The following MYO3A variants were observed in gnomAD, a reference collection of about 807,000 sequenced individuals.
The protein encoded by MYO3A is myosin-IIIa.
In MYO3A, 180 loss-of-function variants were observed where a neutral mutation model predicts 192.7. That is an observed-to-expected ratio of 0.93 (90% CI 0.83 to 1.06). The LOEUF is 1.06. Among genes scored for constraint, MYO3A ranks in the 50% least tolerant of loss-of-function variants. MYO3A has a pLI of 0.00. For missense variants in MYO3A, 1,896 were observed against 1,905.0 expected (o/e 1.00, Z 0.09); for synonymous variants, 628 against 645.3 (o/e 0.97, Z 0.41).
At chr10:26,204,948 A>G (rs1332728948) in intron 34 of MYO3A, among the ~76,000 whole-genome samples, 1 of 152,254 alleles carries the variant, frequency 6.6e-6, no homozygotes, top group African/African-American at 2.4e-5. Context: ...AAAACCAAAC[A>G]GCGAAATAGT....
At chr10:26,124,864 G>A (rs1839114779) in intron 18 of MYO3A, among the ~76,000 whole-genome samples, 1 of 152,170 alleles carries the variant, frequency 6.6e-6, no homozygotes, top group South Asian at 2.1e-4. Context: ...AAAGTAGGAT[G>A]ATATGTACAT....
intron 31 of MYO3A, among the ~76,000 whole-genome samples, chr10:26,188,471 G>T (rs901946289): frequency 2.8e-4 from 43 of 152,082 alleles, no homozygotes; most frequent in African/African-American, 7.7e-4. Context: ...TAGTTTCTTT[G>T]GCTGTGCAGA....
intron 14 of MYO3A, among the ~76,000 whole-genome samples, chr10:26,087,532 G>T (rs1258263069): frequency 6.6e-6 from 1 of 152,178 alleles, no homozygotes; most frequent in East Asian, 1.9e-4. Context: ...GCAGAGGTTG[G>T]AATGCCTTTG....
intron 4 of MYO3A, among the ~76,000 whole-genome samples, chr10:25,992,241 G>C (rs1405521038): frequency 6.6e-6 from 1 of 152,182 alleles, no homozygotes; most frequent in Non-Finnish European, 1.5e-5. Context: ...TCCCTTGTAA[G>C]TTGGATTCCT....
At chr10:26,082,756 T>TCTC (rs1836046822) in intron 14 of MYO3A, among the ~76,000 whole-genome samples, 1 of 149,468 alleles carries the variant, frequency 6.7e-6, no homozygotes, top group African/African-American at 2.5e-5. Flanking sequence ...CTCTCTCTTT[T>TCTC]TCTCTCTCTC....
At chr10:26,162,687 C>G (rs1429171424) in intron 26 of MYO3A, among the ~76,000 whole-genome samples, 1 of 152,216 alleles carries the variant, frequency 6.6e-6, no homozygotes, top group African/African-American at 2.4e-5. Flanking sequence ...GGCTTTCTCA[C>G]TTAGATTTCA....
intron 2 of MYO3A, among the ~76,000 whole-genome samples, chr10:25,942,110 C>T (rs1836535910): frequency 6.6e-6 from 1 of 151,404 alleles, no homozygotes; most frequent in South Asian, 2.1e-4. Context: ...CAAGTGATGC[C>T]TCTGCCTCAG....
At chr10:26,075,750 GAT>G (rs1238427717) in intron 14 of MYO3A, among the ~76,000 whole-genome samples, 81 of 136,182 alleles carry the variant, frequency 5.9e-4, no homozygotes, top group African/African-American at 2.0e-3. Flanking sequence ...TCATATATAT[GAT>G]ATATATATGT....
Position 26,137,362 on chromosome 10 carries a change from A to G in MYO3A, c.2263-6086A>G, listed in dbSNP as rs1305740455. Among the ~76,000 whole-genome samples, 8 of 152,238 alleles carry G rather than the reference A, an allele frequency of 5.3e-5. No homozygotes were observed. The South Asian group carries it at 1.0e-3, about 20-fold the overall frequency. On this transcript the variant is annotated intron_variant, in intron 20 of 34. Transcript: ENST00000642920. Reference sequence around the variant, plus strand: ...GAGGAACATAAATTGTGAAGATTTCATAGACATTTACTAGTTCCCAAATAA... The same window carrying G: ...GAGGAACATAAATTGTGAAGATTTCGTAGACATTTACTAGTTCCCAAATAA...
Position 26,001,347 on chromosome 10 carries a change from G to A in MYO3A, c.508+4089G>A, listed in dbSNP as rs545746495. Among the ~76,000 whole-genome samples, 3 of 152,218 alleles carry A rather than the reference G, an allele frequency of 2.0e-5. No homozygotes were observed. In the South Asian group the frequency reaches 6.2e-4, roughly 32 times the overall value. The stretch of plus-strand genomic sequence containing the variant: ...CTGAAAGTAATTGATAATCTGGCTG[G>A]AAAGTTTCTAGAAGGGGTTTTTCAG... On this transcript the variant is annotated intron_variant, in intron 6 of 34. Coordinates refer to ENST00000642920, the MANE Select transcript of MYO3A (RefSeq NM_017433.5).
At chr10:26,114,687 T>C (rs1838398531) in intron 17 of MYO3A, among the ~76,000 whole-genome samples, 3 of 152,210 alleles carry the variant, frequency 2.0e-5, no homozygotes, top group Non-Finnish European at 4.4e-5. Context: ...GAAATTGTAC[T>C]GTCACTTGAT....
chr10:26,188,069 T>C (rs1488686902), intron 31 of MYO3A, among the ~76,000 whole-genome samples: 4 of 152,202 alleles, frequency 2.6e-5, no homozygotes, highest in Non-Finnish European at 5.9e-5. Context: ...TTCGCCACAC[T>C]GACTTCCACA....
intron 10 of MYO3A, among the ~76,000 whole-genome samples, chr10:26,060,659 A>C (rs12781790): frequency 0.47 from 71,902 of 152,056 alleles, 17,852 homozygotes; most frequent in Middle Eastern, 0.59. Flanking sequence ...AAACTTATTT[A>C]ATACTGGAAA....
intron 10 of MYO3A, among the ~76,000 whole-genome samples, chr10:26,058,069 T>A (rs2131324099): frequency 6.6e-6 from 1 of 152,352 alleles, no homozygotes; most frequent in African/African-American, 2.4e-5. Context: ...TGTATAATGA[T>A]AAGTATCTAC....
intron 26 of MYO3A, chr10:26,165,825 GTT>G (rs1337551073): frequency 1.7e-6 from 1 of 584,148 alleles, no homozygotes; most frequent in Non-Finnish European, 3.1e-6. Context: ...GCAGTATTAA[GTT>G]TTGAAAGGTG....
intron 10 of MYO3A, among the ~76,000 whole-genome samples, chr10:26,037,078 A>G (rs1483532796): frequency 6.6e-6 from 1 of 152,234 alleles, no homozygotes; most frequent in African/African-American, 2.4e-5. Context: ...TCTTAGACAC[A>G]GTTACAACCT....
intron 10 of MYO3A, among the ~76,000 whole-genome samples, chr10:26,035,420 C>CA (rs1842980144): frequency 2.0e-5 from 3 of 152,264 alleles, no homozygotes; most frequent in Non-Finnish European, 4.4e-5. Flanking sequence ...GCTGATACTA[C>CA]AAAAAAGTTG....
intron 30 of MYO3A, 124 bp from the exon 31 acceptor site, chr10:26,176,576 TG>T: frequency 1.2e-6 from 1 of 811,896 alleles, no homozygotes; most frequent in Non-Finnish European, 2.0e-6. Context: ...AGGGACAGGG[TG>T]GGCCCTGGAG....
intron 6 of MYO3A, among the ~76,000 whole-genome samples, chr10:26,006,916 G>A (rs1841258602): frequency 1.3e-5 from 2 of 150,684 alleles, no homozygotes; most frequent in Non-Finnish European, 2.9e-5. Flanking sequence ...AAGCCAGGCA[G>A]AGACACAACC....
Sources: gnomAD v4.1 joint callset for allele counts (sites outside exome capture counted in the v4.1 genomes callset) on GRCh38, gnomAD v4.1.1 for gene constraint, MANE v1.5 for transcripts, NCBI Gene and HGNC (gene_info 2026-07-23, HGNC 2026-07-21) for gene names.